MYO16: variants seen among roughly 807,000 people sequenced by gnomAD.
The protein encoded by MYO16 is myosin XVI.
In MYO16, 94 loss-of-function variants were observed where a neutral mutation model predicts 205.3. The observed-to-expected ratio is 0.46, with a 90% CI of 0.39 to 0.54. The LOEUF is 0.54. Ranked by LOEUF, MYO16 falls within the 20% of genes least tolerant of loss-of-function variation. MYO16 has a pLI of 0.00. For synonymous variants in MYO16, 988 were observed against 954.0 expected (o/e 1.04, Z -0.66); for missense variants, 2,315 against 2,387.5 (o/e 0.97, Z 0.63).
chr13:109,022,137 ATATATT>A (rs1269778803), intron 23 of MYO16, among the ~76,000 whole-genome samples: 2 of 136,608 alleles, frequency 1.5e-5, no homozygotes, highest in Admixed American at 7.7e-5. Flanking sequence ...ATATACATAT[ATATATT>A]TATATATACA....
chr13:109,081,861 C>T (rs138302669), intron 27 of MYO16, among the ~76,000 whole-genome samples: 89 of 152,260 alleles, frequency 5.8e-4, no homozygotes, highest in African/African-American at 2.1e-3. Context: ...ATGCTAATAA[C>T]GTGATTGTAT....
intron 9 of MYO16, among the ~76,000 whole-genome samples, chr13:108,835,437 A>T (rs1876858543): frequency 6.6e-6 from 1 of 152,220 alleles, no homozygotes; most frequent in Non-Finnish European, 1.5e-5. Flanking sequence ...TAAATTACCC[A>T]GTCTCAGGTA....
intron 28 of MYO16, among the ~76,000 whole-genome samples, chr13:109,106,732 G>A (rs897720339): frequency 6.6e-6 from 1 of 152,150 alleles, no homozygotes; most frequent in Non-Finnish European, 1.5e-5. Context: ...CACAGCACTG[G>A]GAGAGTCGAG....
chr13:109,002,008 G>A (rs1003683697), intron 21 of MYO16, among the ~76,000 whole-genome samples: 1 of 152,054 alleles, frequency 6.6e-6, no homozygotes, highest in Non-Finnish European at 1.5e-5. Flanking sequence ...GAGCAAATTA[G>A]TTGATGCATA....
intron 2 of MYO16, among the ~76,000 whole-genome samples, chr13:108,707,086 G>C (rs1195714377): frequency 6.6e-6 from 1 of 152,114 alleles, no homozygotes; most frequent in Non-Finnish European, 1.5e-5. Flanking sequence ...CAAATCAGAA[G>C]CAATCACATA....
chr13:108,919,652 A>T (rs2139259845), intron 16 of MYO16, among the ~76,000 whole-genome samples: 1 of 152,328 alleles, frequency 6.6e-6, no homozygotes, highest in East Asian at 1.9e-4. Context: ...GTTGAGAGAG[A>T]GTCAAACACT....
At chr13:108,793,973 A>T (rs925658016) in intron 6 of MYO16, among the ~76,000 whole-genome samples, 2 of 152,210 alleles carry the variant, frequency 1.3e-5, no homozygotes, top group African/African-American at 4.8e-5. Flanking sequence ...CATCATCCAT[A>T]TACACCATGG....
chr13:108,913,678 AT>A (rs1222004069), intron 16 of MYO16, among the ~76,000 whole-genome samples: 3 of 152,244 alleles, frequency 2.0e-5, no homozygotes, highest in Non-Finnish European at 4.4e-5. Context: ...GCTCAATACC[AT>A]ATGTTAAAGC....
chr13:108,629,155 T>C (rs1009498812), upstream of MYO16: 2 of 152,168 alleles, frequency 1.3e-5, no homozygotes, highest in African/African-American at 4.8e-5. Context: ...TAATTTAAGT[T>C]TTACATTCTG....
the MYO16 span, among the ~76,000 whole-genome samples, chr13:108,564,538 T>G: frequency 6.6e-6 from 1 of 152,172 alleles, no homozygotes. Context: ...TCTTTATGTA[T>G]TCTGGTTATT....
In MYO16 at chr13:108,896,518, A is replaced by G. The variant is rs1228065998; in HGVS notation, c.1660-1498A>G. On this transcript the variant is annotated intron_variant, in intron 14 of 34. Transcript: ENST00000457511. ...TGTTTGTCTCCAAAATTCAAACTTC[A>G]AACACAGAAGTTTTAACATACTTCA... Among the ~76,000 whole-genome samples the G allele has an allele frequency of 3.9e-5, 6 of 152,350 alleles. No homozygotes were observed. In the South Asian group the frequency reaches 1.0e-3, roughly 26 times the overall value.
chr13:108,857,305 C>T (rs1195105649), intron 11 of MYO16, among the ~76,000 whole-genome samples: 2 of 152,162 alleles, frequency 1.3e-5, no homozygotes, highest in African/African-American at 4.8e-5. Context: ...TCCTGGGCTG[C>T]TCAAAAGCCA....
intron 11 of MYO16, among the ~76,000 whole-genome samples, chr13:108,856,250 G>C (rs1418587891): frequency 2.6e-5 from 4 of 152,094 alleles, no homozygotes; most frequent in Non-Finnish European, 1.5e-5. Context: ...ACAGAGCACA[G>C]AGTAATTCAA....
At chr13:109,139,441 C>T (rs1876929558) in intron 31 of MYO16, among the ~76,000 whole-genome samples, 1 of 152,164 alleles carries the variant, frequency 6.6e-6, no homozygotes, top group Non-Finnish European at 1.5e-5. Flanking sequence ...ACCACCTGAT[C>T]CCTGAGTGTC....
Position 108,979,220 on chromosome 13 carries a change from T to G in MYO16, c.2370-13156T>G, listed in dbSNP as rs550354781. Among the ~76,000 whole-genome samples the G allele has an allele frequency of 6.6e-5, 10 of 152,102 alleles. No individual in the cohort carries two copies. The South Asian group carries it at 2.1e-3, about 31-fold the overall frequency. On this transcript the variant is annotated intron_variant, in intron 20 of 34. Coordinates refer to ENST00000457511, the MANE Select transcript of MYO16 (RefSeq NM_001198950.3). Reference sequence around the variant, plus strand: ...TTATTATATCCTTCTTTTTCCTTTCTTTGAATTTTGACTTTTTGGGTGATT... The same window carrying G: ...TTATTATATCCTTCTTTTTCCTTTCGTTGAATTTTGACTTTTTGGGTGATT...
At chr13:108,610,050 G>A (rs553860522) in intron 1 of MYO16, among the ~76,000 whole-genome samples, 89 of 152,292 alleles carry the variant, frequency 5.8e-4, no homozygotes, top group Non-Finnish European at 2.8e-4. Flanking sequence ...TAAAGTTCAT[G>A]TGAAGCTCTG....
chr13:109,130,892 C>T (rs1313910664), intron 31 of MYO16, among the ~76,000 whole-genome samples: 1 of 152,186 alleles, frequency 6.6e-6, no homozygotes. Context: ...TTTTAAATTT[C>T]ATTCCTCCAT....
chr13:108,721,295 A>G (rs1435820953), intron 3 of MYO16, among the ~76,000 whole-genome samples: 1 of 152,218 alleles, frequency 6.6e-6, no homozygotes, highest in Non-Finnish European at 1.5e-5. Context: ...AGTTTGTCTT[A>G]GGAGGCAGAA....
At chr13:108,499,879 G>A in the MYO16 span, among the ~76,000 whole-genome samples, 7 of 152,218 alleles carry the variant, frequency 4.6e-5, no homozygotes, top group East Asian at 1.9e-4. Flanking sequence ...GGGCAGAAGC[G>A]TCTCCGTTCC....
Sources: allele counts gnomAD v4.1 joint callset (sites outside exome capture counted in the v4.1 genomes callset), GRCh38; gene constraint gnomAD v4.1.1; transcripts MANE v1.5; gene names NCBI Gene and HGNC (gene_info 2026-07-23, HGNC 2026-07-21).